The following REDIC1 variants were observed in gnomAD, a reference collection of about 807,000 sequenced individuals.
REDIC1 encodes the protein HEI10 Interacting Protein 1.
chr12:39,627,332 A>G, the REDIC1 span, among the ~76,000 whole-genome samples: 5 of 152,228 alleles, frequency 3.3e-5, no homozygotes, highest in Admixed American at 1.3e-4. Context: ...GTGAAAATTT[A>G]CTTACAGGCT....
At chr12:39,868,946 TC>T in the REDIC1 span, among the ~76,000 whole-genome samples, 18 of 152,286 alleles carry the variant, frequency 1.2e-4, no homozygotes, top group Admixed American at 1.0e-3. Flanking sequence ...TAACAAAAAA[TC>T]ATCTTGATAT....
chr12:39,699,526 G>A, the REDIC1 span, among the ~76,000 whole-genome samples: 33 of 152,316 alleles, frequency 2.2e-4, no homozygotes, highest in Non-Finnish European at 3.8e-4. Flanking sequence ...GCTGGGGGAG[G>A]GGCGCCCGCC....
At chr12:39,672,620 A>G in the REDIC1 span, among the ~76,000 whole-genome samples, 2 of 152,112 alleles carry the variant, frequency 1.3e-5, no homozygotes, top group African/African-American at 2.4e-5. Flanking sequence ...TGGGGAGCAC[A>G]TGCTGTGGCA....
chr12:39,848,457 T>C, the REDIC1 span, among the ~76,000 whole-genome samples: 6 of 151,870 alleles, frequency 4.0e-5, no homozygotes, highest in Non-Finnish European at 7.4e-5. Context: ...GAAATGCAAA[T>C]CAAAACCACA....
the REDIC1 span, chr12:39,684,843 A>G: frequency 6.4e-7 from 1 of 1,562,780 alleles, no homozygotes; most frequent in Non-Finnish European, 8.8e-7. Flanking sequence ...ACAAACTTTG[A>G]TACTGTGTAT....
the REDIC1 span, among the ~76,000 whole-genome samples, chr12:39,803,258 C>G: frequency 6.7e-6 from 1 of 148,412 alleles, no homozygotes; most frequent in African/African-American, 2.5e-5. Context: ...AGAGGCTGCA[C>G]AGGATTGCCA....
At chr12:39,672,526 C>CT in the REDIC1 span, among the ~76,000 whole-genome samples, 1 of 152,132 alleles carries the variant, frequency 6.6e-6, no homozygotes, top group Non-Finnish European at 1.5e-5. Context: ...AACCTATCTT[C>CT]AGCGCATGCA....
At chr12:39,869,467 G>A in the REDIC1 span, among the ~76,000 whole-genome samples, 2 of 152,126 alleles carry the variant, frequency 1.3e-5, no homozygotes, top group Admixed American at 6.5e-5. Flanking sequence ...ACTTGAATTG[G>A]CCACATAATA....
chr12:39,687,499 A>G, the REDIC1 span, among the ~76,000 whole-genome samples: 1 of 152,028 alleles, frequency 6.6e-6, no homozygotes, highest in African/African-American at 2.4e-5. Flanking sequence ...AGTGCCACAC[A>G]CTTTTAACCA....
the REDIC1 span, among the ~76,000 whole-genome samples, chr12:39,763,651 T>C: frequency 6.6e-6 from 1 of 152,064 alleles, no homozygotes; most frequent in Non-Finnish European, 1.5e-5. Context: ...GAAGCTCTTC[T>C]GGGAGAATGG....
chr12:39,897,920 A>T, the REDIC1 span, among the ~76,000 whole-genome samples: 2 of 152,132 alleles, frequency 1.3e-5, no homozygotes, highest in African/African-American at 2.4e-5. Context: ...TCTATGAAAT[A>T]TAAGAATTTT....
chr12:39,836,460 T>A, the REDIC1 span, among the ~76,000 whole-genome samples: 3 of 152,130 alleles, frequency 2.0e-5, no homozygotes, highest in East Asian at 1.9e-4. Context: ...ACCACTCCTA[T>A]TCAACATAGT....
At chr12:39,721,268 C>T in the REDIC1 span, 75 of 1,584,574 alleles carry the variant, frequency 4.7e-5, no homozygotes, top group East Asian at 1.5e-3. Flanking sequence ...AAAATCTCTA[C>T]CTAGGATGTA....
chr12:39,905,687 A>G, the REDIC1 span, among the ~76,000 whole-genome samples: 1 of 152,070 alleles, frequency 6.6e-6, no homozygotes, highest in African/African-American at 2.4e-5. Flanking sequence ...TTAATATTTT[A>G]AAACATGCTA....
chr12:39,860,740 C>T, the REDIC1 span, among the ~76,000 whole-genome samples: 2 of 152,124 alleles, frequency 1.3e-5, no homozygotes, highest in Non-Finnish European at 2.9e-5. Flanking sequence ...ATTGATTTTT[C>T]TCTCCTAATA....
the REDIC1 span, among the ~76,000 whole-genome samples, chr12:39,822,097 G>T: frequency 8.3e-6 from 1 of 120,510 alleles, no homozygotes; most frequent in Non-Finnish European, 1.6e-5. Context: ...AGTCCCCAGA[G>T]TGTGATGTTC....
the REDIC1 span, among the ~76,000 whole-genome samples, chr12:39,703,907 C>A: frequency 6.6e-6 from 1 of 152,160 alleles, no homozygotes; most frequent in African/African-American, 2.4e-5. Context: ...CTTCCTTACA[C>A]CTCATACAAA....
the REDIC1 span, among the ~76,000 whole-genome samples, chr12:39,786,341 G>A: frequency 4.1e-5 from 3 of 73,628 alleles, no homozygotes; most frequent in Non-Finnish European, 8.7e-5. Context: ...TTCTCTTGCT[G>A]CTGCCATGTA....
At chr12:39,692,225 G>A in the REDIC1 span, 25 of 1,010,962 alleles carry the variant, frequency 2.5e-5, no homozygotes, top group Admixed American at 1.1e-4. Flanking sequence ...TATATATCAT[G>A]GATATTTTAG....
Sources: gnomAD v4.1 joint callset for allele counts (sites outside exome capture counted in the v4.1 genomes callset) on GRCh38, gnomAD v4.1.1 for gene constraint, MANE v1.5 for transcripts, NCBI Gene and HGNC (gene_info 2026-07-23, HGNC 2026-07-21) for gene names.